Variants in THSD7A observed in about 807,000 individuals in gnomAD.
The protein encoded by THSD7A is thrombospondin type 1 domain containing 7A, also known as thrombospondin type-1 domain-containing protein 7A.
THSD7A carries 96 observed loss-of-function variants against 231.3 expected under a neutral mutation model. That is an observed-to-expected ratio of 0.41 (90% CI 0.35 to 0.49). The LOEUF is 0.49. Ranked by LOEUF, THSD7A falls within the 20% of genes least tolerant of loss-of-function variation. THSD7A has a pLI of 0.05. For missense variants in THSD7A, 2,290 were observed against 2,070.2 expected (o/e 1.11, Z -2.06); for synonymous variants, 940 against 743.3 (o/e 1.26, Z -4.30).
chr7:11,757,992 T>C (rs1782738392), intron 1 of THSD7A, among the ~76,000 whole-genome samples: 1 of 124,046 alleles, frequency 8.1e-6, no homozygotes, highest in South Asian at 2.7e-4. Flanking sequence ...GTGCTAACAT[T>C]ATATATACAT....
intron 11 of THSD7A, among the ~76,000 whole-genome samples, chr7:11,452,252 G>A (rs1785169266): frequency 6.6e-6 from 1 of 151,950 alleles, no homozygotes; most frequent in South Asian, 2.1e-4. Context: ...AGAAGAAAAA[G>A]CTTAATGTGA....
rs572579875 is a variant in THSD7A, at chr7:11,377,397, A to C, written c.4802-740T>G. 3.1e-4 allele frequency among the ~76,000 whole-genome samples: 47 copies of C among 152,086 alleles called. No individual in the cohort carries two copies. The highest frequency in any genetic ancestry group is 6.3e-4 in the Non-Finnish European group (43 of 67,990). ...TCAAGCACAAGATGTTATTAATGATATTGGCTAATTTAATTTGATCCTCAC... is the reference window on the plus strand; with the variant it reads ...TCAAGCACAAGATGTTATTAATGATCTTGGCTAATTTAATTTGATCCTCAC... On this transcript the variant is annotated intron_variant, in intron 26 of 27. Coordinates refer to ENST00000423059, the MANE Select transcript of THSD7A (RefSeq NM_015204.3). The surrounding 1 kb of genome is among the most constrained non-coding windows in gnomAD (Gnocchi z 4.5).
intron 1 of THSD7A, among the ~76,000 whole-genome samples, chr7:11,798,251 C>CT (rs1784182144): frequency 6.6e-6 from 1 of 152,042 alleles, no homozygotes; most frequent in Non-Finnish European, 1.5e-5. Context: ...GGGAGGATCA[C>CT]TTGAGGTCAA....
intron 22 of THSD7A, among the ~76,000 whole-genome samples, chr7:11,404,096 C>T (rs933645799): frequency 3.3e-5 from 5 of 151,934 alleles, no homozygotes; most frequent in Non-Finnish European, 7.4e-5. Flanking sequence ...ATCATGGGAT[C>T]CTGTAATTTT....
intron 6 of THSD7A, among the ~76,000 whole-genome samples, chr7:11,499,209 G>A (rs1345540299): frequency 6.6e-6 from 1 of 152,206 alleles, no homozygotes; most frequent in African/African-American, 2.4e-5. Flanking sequence ...TTCATGGCTT[G>A]TCACCAGACA....
intron 18 of THSD7A, among the ~76,000 whole-genome samples, chr7:11,412,226 T>C (rs1783810280): frequency 6.6e-6 from 1 of 152,222 alleles, no homozygotes; most frequent in Non-Finnish European, 1.5e-5. Context: ...TTTGGCAAGT[T>C]TAAGATTGCT....
At chr7:11,567,266 C>G (rs1234564689) in intron 4 of THSD7A, among the ~76,000 whole-genome samples, 1 of 151,478 alleles carries the variant, frequency 6.6e-6, no homozygotes, top group Non-Finnish European at 1.5e-5. Context: ...AAGACACTTC[C>G]CCCTCAAGGC....
chr7:11,606,433 A>C (rs1780735618), intron 2 of THSD7A, among the ~76,000 whole-genome samples: 1 of 152,144 alleles, frequency 6.6e-6, no homozygotes, highest in Admixed American at 6.6e-5. Flanking sequence ...TCCTAAACCC[A>C]GTTCAATTCC....
chr7:11,657,003 A>G (rs1404825593), intron 1 of THSD7A, among the ~76,000 whole-genome samples: 2 of 151,878 alleles, frequency 1.3e-5, no homozygotes, highest in African/African-American at 4.8e-5. Flanking sequence ...TAAGACTGCC[A>G]TGTATTAAAT....
In THSD7A at chr7:11,407,032, C is replaced by T. The variant is rs1258375765; in HGVS notation, c.3940G>A (p.Val1314Met). The T allele has an allele frequency of 2.5e-6, 4 of 1,613,842 alleles. No individual in the cohort carries two copies. The South Asian group carries it at 3.3e-5, about 13-fold the overall frequency. The change falls in exon 21 of 28, where the codon GTG (valine) becomes ATG (methionine). Residue 1314 changes from valine to methionine, a missense_variant. By Grantham distance (21) the Val-to-Met change is conservative (BLOSUM62 1). Transcript: ENST00000423059. ...LTGKMIRRRT[V>M]TQPFQGDGRP... The stretch of plus-strand genomic sequence containing the variant: ...CCATCACCTTGAAAGGGCTGGGTCA[C>T]TGTTCGTCTTCGGATCATTTTTCCT...
chr7:11,778,681 G>T (rs1468878011), intron 1 of THSD7A, among the ~76,000 whole-genome samples: 1 of 151,796 alleles, frequency 6.6e-6, no homozygotes, highest in Non-Finnish European at 1.5e-5. Flanking sequence ...GTTCAACTTA[G>T]GACAATTAAA....
rs566554073 is a variant in THSD7A at position 11,464,398 on chromosome 7, C to A, written c.2369-2255G>T. Among the ~76,000 whole-genome samples, 3 of 152,200 alleles carry A rather than the reference C, an allele frequency of 2.0e-5. No individual in the cohort carries two copies. In the East Asian group the frequency reaches 5.8e-4, roughly 29 times the overall value. ...GGGCTGGTGGAGACAATGAGTTCAGCATTAGTGGCACCTCATAGACTAAAG... is the reference window on the plus strand; with the variant it reads ...GGGCTGGTGGAGACAATGAGTTCAGAATTAGTGGCACCTCATAGACTAAAG... On this transcript the variant is annotated intron_variant, in intron 9 of 27. Coordinates refer to ENST00000423059, the MANE Select transcript of THSD7A (RefSeq NM_015204.3).
intron 13 of THSD7A, among the ~76,000 whole-genome samples, chr7:11,442,921 C>T (rs1784850411): frequency 6.6e-6 from 1 of 151,984 alleles, no homozygotes; most frequent in African/African-American, 2.4e-5. Flanking sequence ...TCTGTAAGTG[C>T]CTTTCTCTAG....
At chr7:11,750,990 T>G (rs1319862718) in intron 1 of THSD7A, 1 of 151,980 alleles carries the variant, frequency 6.6e-6, no homozygotes, top group Non-Finnish European at 1.5e-5. Flanking sequence ...TATCATTAGA[T>G]GACAAAGGCG....
chr7:11,782,783 T>A (rs531425965), intron 1 of THSD7A, among the ~76,000 whole-genome samples: 1 of 151,746 alleles, frequency 6.6e-6, no homozygotes, highest in African/African-American at 2.4e-5. Flanking sequence ...GTTAAATGAA[T>A]TTTTTTTTAG....
At chr7:11,523,000 C>G (rs975549370) in intron 6 of THSD7A, among the ~76,000 whole-genome samples, 1 of 152,082 alleles carries the variant, frequency 6.6e-6, no homozygotes, top group African/African-American at 2.4e-5. Flanking sequence ...GGTAAACAAA[C>G]TCAGATGAAC....
intron 16 of THSD7A, among the ~76,000 whole-genome samples, chr7:11,421,287 T>C (rs1029285759): frequency 2.0e-5 from 3 of 152,184 alleles, no homozygotes; most frequent in Non-Finnish European, 4.4e-5. Context: ...GTTCTCATGA[T>C]AGTGAGTGAG....
intron 6 of THSD7A, among the ~76,000 whole-genome samples, chr7:11,514,667 C>A (rs79103073): frequency 6.6e-6 from 1 of 151,984 alleles, no homozygotes; most frequent in Non-Finnish European, 1.5e-5. Flanking sequence ...TGCATGCAAT[C>A]TTTAACATGC....
At chr7:11,408,703 G>A (rs1783674068) in intron 19 of THSD7A, among the ~76,000 whole-genome samples, 1 of 152,046 alleles carries the variant, frequency 6.6e-6, no homozygotes, top group South Asian at 2.1e-4. Flanking sequence ...TGTGTTTCAA[G>A]TATAGCTCTT....
Sources: allele counts gnomAD v4.1 joint callset (sites outside exome capture counted in the v4.1 genomes callset), GRCh38; gene constraint gnomAD v4.1.1; non-coding constraint Gnocchi (gnomAD v3.1); transcripts MANE v1.5; gene names NCBI Gene and HGNC (gene_info 2026-07-23, HGNC 2026-07-21).